XYLT1: variants seen among roughly 807,000 people sequenced by gnomAD.
XYLT1 encodes xylosyltransferase 1.
In XYLT1, 36 loss-of-function variants were observed where a neutral mutation model predicts 91.3. The ratio of observed to expected loss-of-function variants is 0.39; its 90% confidence interval spans 0.30 to 0.52. The LOEUF is 0.52. Ranked by LOEUF, XYLT1 falls within the 20% of genes least tolerant of loss-of-function variation. XYLT1 has a pLI of 0.68. For missense variants in XYLT1, 1,242 were observed against 1,284.5 expected, an observed-to-expected ratio of 0.97 and a Z score of 0.51; for synonymous variants, 588 against 532.0, an observed-to-expected ratio of 1.11 and a Z score of -1.45.
At chr16:17,275,623 G>A (rs1316507561) in intron 2 of XYLT1, among the ~76,000 whole-genome samples, 1 of 152,170 alleles carries the variant, frequency 6.6e-6, no homozygotes, top group African/African-American at 2.4e-5. Flanking sequence ...ACTCCTGAAA[G>A]CCACAAACCA....
At chr16:17,150,115 G>GT (rs1189316481) in intron 6 of XYLT1, among the ~76,000 whole-genome samples, 1 of 152,198 alleles carries the variant, frequency 6.6e-6, no homozygotes, top group East Asian at 1.9e-4. Flanking sequence ...AGCCATGATT[G>GT]TGGCATGAAG....
chr16:17,323,248 C>T lies in XYLT1; in HGVS notation c.402+34764G>A, dbSNP rs74918889. Among the ~76,000 whole-genome samples, 37 of 152,334 alleles carry T rather than the reference C, an allele frequency of 2.4e-4. No individual in the cohort carries two copies. The East Asian group carries it at 3.5e-3, about 14-fold the overall frequency. On this transcript the variant is annotated intron_variant, in intron 2 of 11. Coordinates refer to ENST00000261381, the MANE Select transcript of XYLT1 (RefSeq NM_022166.4). Reference sequence around the variant, plus strand: ...AAAGGCTCTGTTTACTGGGGCAGTACGTAGAGGACAGGCCTATTCTTCCTG... The same window carrying T: ...AAAGGCTCTGTTTACTGGGGCAGTATGTAGAGGACAGGCCTATTCTTCCTG...
chr16:17,235,059 T>C (rs2033225873), intron 3 of XYLT1, among the ~76,000 whole-genome samples: 1 of 150,824 alleles, frequency 6.6e-6, no homozygotes, highest in South Asian at 2.1e-4. Context: ...GAAAACTTCC[T>C]GAAAAAAAAA....
chr16:17,402,031 GCTCAC>G (rs1419384612), intron 1 of XYLT1, among the ~76,000 whole-genome samples: 2 of 152,076 alleles, frequency 1.3e-5, no homozygotes, highest in Non-Finnish European at 2.9e-5. Flanking sequence ...GAGCGTGGTG[GCTCAC>G]GCCTGTAATC....
intron 2 of XYLT1, among the ~76,000 whole-genome samples, chr16:17,308,906 G>A (rs1158028360): frequency 3.3e-5 from 5 of 151,916 alleles, no homozygotes; most frequent in Non-Finnish European, 2.9e-5. Flanking sequence ...AGTGTCTGGC[G>A]CAAAATAGCG....
intron 3 of XYLT1, among the ~76,000 whole-genome samples, chr16:17,257,274 T>C (rs2033647835): frequency 6.6e-6 from 1 of 152,128 alleles, no homozygotes; most frequent in African/African-American, 2.4e-5. Flanking sequence ...AGCTGCTCCC[T>C]GGACAGATAA....
chr16:17,388,163 T>C (rs778573652), intron 1 of XYLT1, among the ~76,000 whole-genome samples: 5 of 152,224 alleles, frequency 3.3e-5, no homozygotes, highest in African/African-American at 7.2e-5. Context: ...GCCTAGTTTA[T>C]AATGAAGTGT....
rs192181863 is a variant in XYLT1 at position 17,222,459 on chromosome 16, G to A, written c.914-21805C>T. Among the ~76,000 whole-genome samples the A allele has an allele frequency of 7.8e-4, 118 of 152,254 alleles. No individual in the cohort carries two copies. The East Asian group carries it at 0.014, about 17-fold the overall frequency. On this transcript the variant is annotated intron_variant, in intron 3 of 11. Coordinates refer to ENST00000261381, the MANE Select transcript of XYLT1 (RefSeq NM_022166.4). The stretch of plus-strand genomic sequence containing the variant: ...AAGGTTGAGAAACTGCTTGAAACCC[G>A]TGATCCTGAAAAAGATTGTCTGAGG...
At chr16:17,133,815 G>C (rs892275166) in intron 9 of XYLT1, among the ~76,000 whole-genome samples, 8 of 152,180 alleles carry the variant, frequency 5.3e-5, no homozygotes, top group African/African-American at 1.9e-4. Flanking sequence ...GCAGTTAGTG[G>C]TAGATGAGAC....
chr16:17,140,458 C>G (rs2030934795), intron 7 of XYLT1, among the ~76,000 whole-genome samples: 1 of 151,924 alleles, frequency 6.6e-6, no homozygotes. Context: ...GCCAGGAGTT[C>G]AAGACCAGCC....
intron 1 of XYLT1, among the ~76,000 whole-genome samples, chr16:17,430,598 G>A (rs2036379119): frequency 6.6e-6 from 1 of 152,196 alleles, no homozygotes; most frequent in African/African-American, 2.4e-5. Context: ...TTTCCAGGGT[G>A]CCTCTCATGG....
chr16:17,305,292 A>G (rs1384481000), intron 2 of XYLT1, among the ~76,000 whole-genome samples: 1 of 152,140 alleles, frequency 6.6e-6, no homozygotes, highest in African/African-American at 2.4e-5. Context: ...TACTTTCCCT[A>G]TCTAGTTTCC....
chr16:17,363,698 C>G lies in XYLT1; in HGVS notation c.364-5648G>C, dbSNP rs543707404. Among the ~76,000 whole-genome samples, 10 of 152,286 alleles carry G rather than the reference C, an allele frequency of 6.6e-5. No homozygotes were observed. In the South Asian group the frequency reaches 1.9e-3, roughly 28 times the overall value. On this transcript the variant is annotated intron_variant, in intron 1 of 11. Transcript: ENST00000261381. ...GGGATTACAAGTGGTTGCCACCACG[C>G]CCAGCTAATTTTTTAGAATATTTTT...
chr16:17,320,250 T>C, intron 2 of XYLT1, among the ~76,000 whole-genome samples: 1 of 152,222 alleles, frequency 6.6e-6, no homozygotes, highest in Non-Finnish European at 1.5e-5. Context: ...TCCAAAAACC[T>C]AGCACAGTGC....
intron 1 of XYLT1, among the ~76,000 whole-genome samples, chr16:17,443,067 A>C (rs756039075): frequency 1.3e-5 from 2 of 151,964 alleles, no homozygotes; most frequent in South Asian, 4.2e-4. Context: ...TCTCGACTCA[A>C]CTCTGTGACC....
rs558957746 is a variant in XYLT1, at chr16:17,104,257, C to T, written c.*4438G>A. On this transcript the variant is annotated 3_prime_UTR_variant, in exon 12 of 12. Transcript: ENST00000261381. ...CACCCTACCTCCTCCTCCTCCTAGA[C>T]TGTCTTTGCCATTTCGGCCTGGTTT... The T allele has an allele frequency of 6.5e-6, 1 of 152,768 alleles. No individual in the cohort carries two copies. Among genetic ancestry groups the T allele is most frequent in the South Asian group, 2.1e-4 (1 of 4,828 alleles). The allele number at this position is 152,768 out of a possible 1,614,324, so 9.5% of individuals were successfully genotyped here.
chr16:17,224,924 G>T (rs1380310978), intron 3 of XYLT1, among the ~76,000 whole-genome samples: 1 of 152,154 alleles, frequency 6.6e-6, no homozygotes, highest in Non-Finnish European at 1.5e-5. Flanking sequence ...TGCCACTGTA[G>T]AGAGAAGGCA....
At chr16:17,380,609 C>G (rs892084194) in intron 1 of XYLT1, among the ~76,000 whole-genome samples, 6 of 152,136 alleles carry the variant, frequency 3.9e-5, no homozygotes, top group Non-Finnish European at 8.8e-5. Context: ...TATAGAAAAA[C>G]TAGATGTCAA....
At chr16:17,398,834 T>TTTTTG (rs61263735) in intron 1 of XYLT1, among the ~76,000 whole-genome samples, 96,933 of 98,292 alleles carry the variant, frequency 0.99, 47,817 homozygotes, top group East Asian at 1. Flanking sequence ...CCCCACTGTT[T>TTTTTG]TTTTGTTTTG....
Sources: allele counts gnomAD v4.1 joint callset (sites outside exome capture counted in the v4.1 genomes callset), GRCh38; gene constraint gnomAD v4.1.1; transcripts MANE v1.5; gene names NCBI Gene and HGNC (gene_info 2026-07-23, HGNC 2026-07-21).